ZNRF3: variants seen among roughly 807,000 people sequenced by gnomAD.
ZNRF3 encodes zinc and ring finger 3.
Under a neutral mutation model 72.5 loss-of-function variants are expected in ZNRF3, and 23 were observed. The observed-to-expected ratio is 0.32, with a 90% CI of 0.23 to 0.45. ZNRF3 has a LOEUF of 0.45. Among genes scored for constraint, ZNRF3 ranks in the 20% least tolerant of loss-of-function variants. The pLI, the probability that ZNRF3 is intolerant of heterozygous loss-of-function variation, is 1.00. For missense variants in ZNRF3, 1,169 were observed against 1,272.1 expected (o/e 0.92, Z 1.23); for synonymous variants, 610 against 545.3 (o/e 1.12, Z -1.65).
intron 1 of ZNRF3, among the ~76,000 whole-genome samples, chr22:28,920,318 T>G (rs1359809290): frequency 6.6e-6 from 1 of 151,164 alleles, no homozygotes; most frequent in East Asian, 2.0e-4. Context: ...TTGCCCAGGC[T>G]GTAGTGCAGT....
chr22:28,929,544 C>T (rs1225765745), intron 1 of ZNRF3, among the ~76,000 whole-genome samples: 1 of 152,204 alleles, frequency 6.6e-6, no homozygotes, highest in Admixed American at 6.5e-5. Context: ...TCTAGAAATT[C>T]TTCAGGACTA....
At chr22:29,023,999 A>G (rs9613776) in intron 2 of ZNRF3, among the ~76,000 whole-genome samples, 70,331 of 151,954 alleles carry the variant, frequency 0.46, 16,700 homozygotes, top group Non-Finnish European at 0.51. Context: ...AACAAAGTGT[A>G]AGCACCCTGG....
At chr22:28,897,253 C>G (rs1042252178) in intron 1 of ZNRF3, among the ~76,000 whole-genome samples, 1 of 152,194 alleles carries the variant, frequency 6.6e-6, no homozygotes, top group African/African-American at 2.4e-5. Flanking sequence ...GGGCGTGGGC[C>G]TGTGTGTTGC....
intron 2 of ZNRF3, among the ~76,000 whole-genome samples, chr22:29,010,321 C>G (rs868179853): frequency 8.5e-5 from 13 of 152,174 alleles, no homozygotes; most frequent in African/African-American, 2.9e-4. Context: ...TTTGACCACT[C>G]CAGGTCTTTT....
At chr22:29,018,507 C>G (rs937311204) in intron 2 of ZNRF3, 14 of 157,050 alleles carry the variant, frequency 8.9e-5, no homozygotes, top group Admixed American at 4.4e-4. Flanking sequence ...AGGGTCAGGG[C>G]TAGAGATGAA....
At chr22:28,950,693 C>T (rs1488488818) in intron 1 of ZNRF3, among the ~76,000 whole-genome samples, 1 of 152,208 alleles carries the variant, frequency 6.6e-6, no homozygotes, top group African/African-American at 2.4e-5. Flanking sequence ...ATACTTAGAA[C>T]GCTTGACTGA....
chr22:28,883,914 C>A lies in ZNRF3; in HGVS notation c.148C>A (p.Pro50Thr). The A allele has an allele frequency of 8.5e-7, 1 of 1,172,616 alleles. No homozygotes were observed. Among genetic ancestry groups the A allele is most frequent in the Non-Finnish European group, 1.1e-6 (1 of 934,736 alleles). The allele number at this position is 1,172,616 out of a possible 1,614,324, so 72.6% of individuals were successfully genotyped here. Residue 50 changes from proline to threonine, a missense_variant, in exon 1 of 9, where the codon CCC becomes ACC. Transcript: ENST00000544604. This position sits in a 1 kb window ranked among gnomAD's most constrained non-coding sequence, Gnocchi z 5.5. ...LLGLLLAAAGPGAARAKETAF... is the reference protein window; with the variant it reads ...LLGLLLAAAGTGAARAKETAF... Reference sequence around the variant, plus strand: ...CGGGCTGCTGCTGGCGGCCGCGGGGCCCGGCGCGGCGCGGGCCAAGGAGAC... The same window carrying A: ...CGGGCTGCTGCTGGCGGCCGCGGGGACCGGCGCGGCGCGGGCCAAGGAGAC...
chr22:28,927,664 T>TG (rs1356699376), intron 1 of ZNRF3, among the ~76,000 whole-genome samples: 1 of 152,222 alleles, frequency 6.6e-6, no homozygotes, highest in Non-Finnish European at 1.5e-5. Context: ...GAACAGGAGC[T>TG]GGACAGGTCT....
Position 28,963,468 on chromosome 22 carries a change from G to T in ZNRF3, c.301-23608G>T, listed in dbSNP as rs186333764. Among the ~76,000 whole-genome samples, 364 of 152,276 alleles carry T rather than the reference G, an allele frequency of 2.4e-3. 1 individual carries two copies. Among genetic ancestry groups the T allele is most frequent in the African/African-American group, 8.4e-3 (349 of 41,540 alleles). The stretch of plus-strand genomic sequence containing the variant: ...TTGCTGTTAATCGCAGGAGAGGGGG[G>T]TAGGGAGGGAAAAAAACCACAGGCT... On this transcript the variant is annotated intron_variant, in intron 1 of 8. Coordinates refer to ENST00000544604, the MANE Select transcript of ZNRF3 (RefSeq NM_001206998.2).
At chr22:28,900,499 A>G (rs532239965) in intron 1 of ZNRF3, among the ~76,000 whole-genome samples, 1 of 152,364 alleles carries the variant, frequency 6.6e-6, no homozygotes, top group East Asian at 1.9e-4. Flanking sequence ...AAGCCAGATC[A>G]GAGCCCAGAA....
At chr22:28,921,216 C>T (rs1276777196) in intron 1 of ZNRF3, among the ~76,000 whole-genome samples, 3 of 151,982 alleles carry the variant, frequency 2.0e-5, no homozygotes, top group Non-Finnish European at 2.9e-5. Flanking sequence ...AGTGGGAAGC[C>T]CCCCCCACCC....
chr22:28,923,995 G>A (rs1569247532), intron 1 of ZNRF3, among the ~76,000 whole-genome samples: 1 of 152,262 alleles, frequency 6.6e-6, no homozygotes, highest in Non-Finnish European at 1.5e-5. Context: ...TATCGGCTTT[G>A]CCCCGGGCGG....
At chr22:29,028,056 T>C (rs1183187455) in intron 2 of ZNRF3, among the ~76,000 whole-genome samples, 2 of 152,214 alleles carry the variant, frequency 1.3e-5, no homozygotes, top group African/African-American at 4.8e-5. Context: ...GAAATTTTCT[T>C]AAACTCTACT....
intron 2 of ZNRF3, among the ~76,000 whole-genome samples, chr22:29,024,725 T>C (rs951982401): frequency 1.3e-5 from 2 of 152,128 alleles, no homozygotes; most frequent in African/African-American, 4.8e-5. Flanking sequence ...ATATTTTGTC[T>C]GGAAGCACAT....
chr22:28,986,979 A>G (rs2035865594), intron 1 of ZNRF3, 97 bp from the exon 2 acceptor site: 1 of 1,483,704 alleles, frequency 6.7e-7, no homozygotes, highest in Non-Finnish European at 9.0e-7. Flanking sequence ...TTAAGTTTTG[A>G]CGTTACTTTT....
intron 4 of ZNRF3, among the ~76,000 whole-genome samples, chr22:29,044,479 T>C (rs977327864): frequency 2.6e-5 from 4 of 152,248 alleles, no homozygotes; most frequent in African/African-American, 9.6e-5. Context: ...TGGAAGGGCC[T>C]TTCTTACCAG....
intron 2 of ZNRF3, among the ~76,000 whole-genome samples, chr22:28,991,136 G>A (rs554893489): frequency 2.6e-4 from 39 of 151,730 alleles, no homozygotes; most frequent in South Asian, 8.3e-4. Flanking sequence ...ACAAAAATTA[G>A]CCAGTCATGG....
chr22:29,009,612 T>G (rs1485188774), intron 2 of ZNRF3, among the ~76,000 whole-genome samples: 1 of 152,178 alleles, frequency 6.6e-6, no homozygotes, highest in Admixed American at 6.5e-5. Context: ...AACTTTGTAA[T>G]GTATTAGAGA....
intron 2 of ZNRF3, among the ~76,000 whole-genome samples, chr22:29,039,298 C>A (rs1167514220): frequency 6.6e-6 from 1 of 152,158 alleles, no homozygotes; most frequent in African/African-American, 2.4e-5. Context: ...GAAGGCATTC[C>A]CTACCCCAGA....
Sources: gnomAD v4.1 joint callset for allele counts (sites outside exome capture counted in the v4.1 genomes callset) on GRCh38, gnomAD v4.1.1 for gene constraint, Gnocchi (gnomAD v3.1) non-coding constraint, MANE v1.5 for transcripts, NCBI Gene and HGNC (gene_info 2026-07-23, HGNC 2026-07-21) for gene names.